The following ADAMTSL1 variants were observed in gnomAD, a reference collection of about 807,000 sequenced individuals.
ADAMTSL1 encodes the protein ADAMTS-like protein 1.
Under a neutral mutation model 201.8 loss-of-function variants are expected in ADAMTSL1, and 126 were observed. That is an observed-to-expected ratio of 0.62 (90% CI 0.54 to 0.72). ADAMTSL1 has a LOEUF of 0.72. Ranked by LOEUF, ADAMTSL1 falls within the 30% of genes least tolerant of loss-of-function variation. The pLI is 0.00. For synonymous variants in ADAMTSL1, 1,121 were observed against 903.4 expected, an observed-to-expected ratio of 1.24 and a Z score of -4.32; for missense variants, 2,679 against 2,277.8, an observed-to-expected ratio of 1.18 and a Z score of -3.59.
chr9:18,904,997 T>C (rs1172858495), intron 26 of ADAMTSL1, among the ~76,000 whole-genome samples: 3 of 152,182 alleles, frequency 2.0e-5, no homozygotes, highest in Non-Finnish European at 2.9e-5. Context: ...TTGCTTATAC[T>C]GTTAAGGATT....
chr9:18,364,522 T>C (rs1263824054), intron 2 of ADAMTSL1, among the ~76,000 whole-genome samples: 1 of 152,022 alleles, frequency 6.6e-6, no homozygotes, highest in East Asian at 1.9e-4. Flanking sequence ...TTAACCAAAC[T>C]CACTAAACCT....
intron 3 of ADAMTSL1, among the ~76,000 whole-genome samples, chr9:18,538,755 A>C (rs1327405795): frequency 1.3e-5 from 2 of 152,212 alleles, no homozygotes; most frequent in Admixed American, 6.5e-5. Context: ...CAGTGGGCGT[A>C]AGGTAAATTC....
chr9:18,416,336 C>A (rs572167120), intron 2 of ADAMTSL1, among the ~76,000 whole-genome samples: 2 of 148,834 alleles, frequency 1.3e-5, no homozygotes, highest in African/African-American at 2.4e-5. Flanking sequence ...CTAAACTAAC[C>A]CAAAAATTTT....
At chr9:18,335,736 C>T (rs1162159307) in intron 2 of ADAMTSL1, among the ~76,000 whole-genome samples, 1 of 152,082 alleles carries the variant, frequency 6.6e-6, no homozygotes, top group Non-Finnish European at 1.5e-5. Flanking sequence ...TGGTGTAAAA[C>T]ATATATTAGT....
At chr9:18,706,714 C>T (rs750174664) in intron 13 of ADAMTSL1, 33 bp from the exon 14 acceptor site, 3 of 1,549,208 alleles carry the variant, frequency 1.9e-6, no homozygotes, top group Admixed American at 3.8e-5. Flanking sequence ...TGGGGCTTCT[C>T]ATCCTGTCCT....
chr9:18,717,786 C>G (rs779344188), intron 14 of ADAMTSL1, among the ~76,000 whole-genome samples: 61 of 152,188 alleles, frequency 4.0e-4, no homozygotes, highest in Non-Finnish European at 7.2e-4. Flanking sequence ...AAAAATCTCT[C>G]TTGTGAAGCT....
At chr9:18,284,612 A>G (rs1359532600) in intron 2 of ADAMTSL1, among the ~76,000 whole-genome samples, 1 of 152,226 alleles carries the variant, frequency 6.6e-6, no homozygotes, top group Admixed American at 6.5e-5. Context: ...TCCAAAACTC[A>G]CGGCCTCAAG....
chr9:18,152,944 TTTTC>T (rs1826982219), intron 1 of ADAMTSL1, among the ~76,000 whole-genome samples: 1 of 152,054 alleles, frequency 6.6e-6, no homozygotes, highest in Non-Finnish European at 1.5e-5. Flanking sequence ...AATGATCATA[TTTTC>T]TTTCTTTATA....
chr9:17,990,456 G>A lies in ADAMTSL1; in HGVS notation c.87+83534G>A, dbSNP rs374238722. Among the ~76,000 whole-genome samples, 31 of 152,120 alleles carry A rather than the reference G, an allele frequency of 2.0e-4. No homozygotes were observed. The East Asian group carries it at 2.5e-3, about 12-fold the overall frequency. ...TAACTAACTTATGCTAAGACTCTCA[G>A]TGGCCATGAACTATTACTCCACAAT... On this transcript the variant is annotated intron_variant, in intron 1 of 29. Coordinates refer to the ADAMTSL1 transcript ENST00000680146.
chr9:18,839,626 A>T (rs896055319), intron 23 of ADAMTSL1, among the ~76,000 whole-genome samples: 2 of 152,186 alleles, frequency 1.3e-5, no homozygotes, highest in African/African-American at 4.8e-5. Context: ...TCCACAATGG[A>T]TGAACTAGTT....
intron 9 of ADAMTSL1, among the ~76,000 whole-genome samples, chr9:18,666,087 C>T (rs1480877113): frequency 6.6e-6 from 1 of 152,134 alleles, no homozygotes; most frequent in African/African-American, 2.4e-5. Flanking sequence ...ATATCCATGA[C>T]ACATAGTAAC....
chr9:18,144,338 T>A (rs927738015), intron 1 of ADAMTSL1, among the ~76,000 whole-genome samples: 2 of 152,072 alleles, frequency 1.3e-5, no homozygotes, highest in Non-Finnish European at 2.9e-5. Flanking sequence ...CCTGGGTAGC[T>A]GGGATTACAG....
intron 1 of ADAMTSL1, among the ~76,000 whole-genome samples, chr9:17,928,324 C>T (rs1319720631): frequency 6.6e-6 from 1 of 152,152 alleles, no homozygotes; most frequent in Non-Finnish European, 1.5e-5. Flanking sequence ...AGAAAAGCAG[C>T]ACCTGCCTCT....
intron 15 of ADAMTSL1, among the ~76,000 whole-genome samples, chr9:18,742,699 C>T (rs896349667): frequency 3.9e-5 from 6 of 152,060 alleles, no homozygotes; most frequent in Non-Finnish European, 8.8e-5. Context: ...GGGAAGCCAA[C>T]AAGTGGCTGT....
At chr9:17,964,941 G>A (rs957603502) in intron 1 of ADAMTSL1, among the ~76,000 whole-genome samples, 2 of 152,024 alleles carry the variant, frequency 1.3e-5, no homozygotes, top group Non-Finnish European at 2.9e-5. Context: ...CGTGATCTTG[G>A]CTCACTGCAA....
At chr9:18,568,539 G>A (rs952181509) in intron 3 of ADAMTSL1, among the ~76,000 whole-genome samples, 10 of 152,124 alleles carry the variant, frequency 6.6e-5, no homozygotes, top group Non-Finnish European at 1.2e-4. Flanking sequence ...AAATTTCCAC[G>A]TATGTTTTTA....
chr9:18,306,529 G>A (rs139898326), intron 2 of ADAMTSL1, among the ~76,000 whole-genome samples: 274 of 152,224 alleles, frequency 1.8e-3, no homozygotes, highest in African/African-American at 6.4e-3. Flanking sequence ...AACACAGCAC[G>A]AGAACTCATG....
chr9:18,837,419 T>C (rs1825380625), intron 23 of ADAMTSL1, among the ~76,000 whole-genome samples: 1 of 152,264 alleles, frequency 6.6e-6, no homozygotes, highest in South Asian at 2.1e-4. Flanking sequence ...TATACGTGGG[T>C]ATATTTCTAG....
At chr9:18,197,921 T>C (rs918544283) in intron 2 of ADAMTSL1, among the ~76,000 whole-genome samples, 1 of 151,904 alleles carries the variant, frequency 6.6e-6, no homozygotes, top group Non-Finnish European at 1.5e-5. Context: ...TATAGATCAA[T>C]GGAACAGAAC....
Sources: gnomAD v4.1 joint callset for allele counts (sites outside exome capture counted in the v4.1 genomes callset) on GRCh38, gnomAD v4.1.1 for gene constraint, MANE v1.5 for transcripts, NCBI Gene and HGNC (gene_info 2026-07-23, HGNC 2026-07-21) for gene names.